The following ADAM17 variants were observed in gnomAD, a reference collection of about 807,000 sequenced individuals.
ADAM17 encodes the protein ADAM metallopeptidase domain 17, also known as disintegrin and metalloproteinase domain-containing protein 17.
In ADAM17, 39 loss-of-function variants were observed where a neutral mutation model predicts 96.7. The ratio of observed to expected loss-of-function variants is 0.40; its 90% CI spans 0.31 to 0.53. The LOEUF (loss-of-function observed/expected upper bound fraction) is 0.53. Among genes scored for constraint, ADAM17 ranks in the 20% least tolerant of loss-of-function variants. The probability of loss-of-function intolerance (pLI) is 0.44; values close to 1 mark genes in which losing one functional copy is unlikely to be tolerated. For missense variants in ADAM17, 777 were observed against 1,013.2 expected, an observed-to-expected ratio of 0.77 and a Z score of 3.17; for synonymous variants, 344 against 359.2, an observed-to-expected ratio of 0.96 and a Z score of 0.48.
At position 9,490,220 on chromosome 2, in the gene ADAM17, A is replaced by T. The variant is rs1662009471; in HGVS notation, c.2432T>A (p.Leu811Gln). 1.3e-6 allele frequency: 2 copies of T among 1,600,006 alleles called. No individual in the cohort carries two copies. The highest frequency in any genetic ancestry group is 1.3e-5 in the African/African-American group (1 of 74,726). ...GCTGTCAACACGATTCTGACGCTGC[A>T]GTTTAAAGGAGGCAGCCTTTTCACT... Reference protein sequence around the residue: ...TRSEKAASFKLQRQNRVDSKE... With the variant: ...TRSEKAASFKQQRQNRVDSKE... Residue 811 changes from leucine (L) to glutamine (Q), a missense_variant, in exon 19 of 19, where the codon CTG (leucine) becomes CAG (glutamine). By Grantham distance (113) the Leu-to-Gln change is moderately radical (BLOSUM62 -2). This residue lies in a region of ADAM17 where 197 missense variants were observed against 219.4 expected (regional missense o/e 0.90). Coordinates refer to ENST00000310823, the MANE Select transcript of ADAM17 (RefSeq NM_003183.6).
chr2:9,535,726 C>T (rs1664933713), intron 4 of ADAM17, 108 bp downstream of exon 4: 2 of 613,626 alleles, frequency 3.3e-6, no homozygotes, highest in Admixed American at 3.5e-5. Flanking sequence ...ACTTCAAATA[C>T]GAAGAGGAAA....
intron 2 of ADAM17, among the ~76,000 whole-genome samples, chr2:9,538,282 TTACTTCCCCA>T (rs1359137391): frequency 1.3e-5 from 2 of 152,182 alleles, no homozygotes; most frequent in Non-Finnish European, 2.9e-5. Context: ...TGAAAATATA[TTACTTCCCCA>T]TGGGATTGCA....
chr2:9,527,572 C>A, intron 5 of ADAM17: 1 of 336,446 alleles, frequency 3.0e-6, no homozygotes. Context: ...TTTTTAAAGT[C>A]TAATCTCTGT....
intron 2 of ADAM17, among the ~76,000 whole-genome samples, chr2:9,538,108 T>C (rs1210473475): frequency 6.6e-6 from 1 of 152,160 alleles, no homozygotes; most frequent in Non-Finnish European, 1.5e-5. Flanking sequence ...TTACTATTCT[T>C]TTTGTTTTCT....
intron 8 of ADAM17, among the ~76,000 whole-genome samples, chr2:9,519,570 A>G (rs1664219450): frequency 6.6e-6 from 1 of 152,176 alleles, no homozygotes; most frequent in Non-Finnish European, 1.5e-5. Context: ...CCACAATTCA[A>G]ATGTTGAAGT....
At chr2:9,553,172 T>C (rs1665633798) in intron 1 of ADAM17, among the ~76,000 whole-genome samples, 1 of 152,184 alleles carries the variant, frequency 6.6e-6, no homozygotes, top group Non-Finnish European at 1.5e-5. Context: ...CCTCCTTTAT[T>C]TGAAAACTAG....
rs758683558 is a variant in ADAM17 at position 9,494,665 on chromosome 2, G to A, written c.1886C>T (p.Pro629Leu). The change falls in exon 15 of 19, where the codon CCC becomes CTC. Residue 629 changes from proline (P) to leucine (L), a missense_variant. Pro to Leu is a moderately conservative substitution (Grantham distance 98). Coordinates refer to ENST00000310823, the MANE Select transcript of ADAM17 (RefSeq NM_003183.6). ...CATGTCACAAAATCCTACTGTACAGGGCTTTCCTTTCCTCAAAAATAAGTT... is the reference window on the plus strand; with the variant it reads ...CATGTCACAAAATCCTACTGTACAGAGCTTTCCTTTCCTCAAAAATAAGTT... ...QKNLFLRKGK[P>L]CTVGFCDMNG... The A allele has an allele frequency of 1.4e-5, 23 of 1,614,012 alleles. No individual in the cohort carries two copies. Among genetic ancestry groups the A allele is most frequent in the Non-Finnish European group, 1.9e-5 (22 of 1,179,968 alleles).
intron 1 of ADAM17, among the ~76,000 whole-genome samples, chr2:9,554,312 T>C (rs1665674560): frequency 6.6e-6 from 1 of 152,192 alleles, no homozygotes; most frequent in Admixed American, 6.5e-5. Flanking sequence ...ACCCTATCCC[T>C]CCATCCTAAC....
At chr2:9,553,261 T>C (rs1665635536) in intron 1 of ADAM17, among the ~76,000 whole-genome samples, 1 of 152,144 alleles carries the variant, frequency 6.6e-6, no homozygotes, top group Non-Finnish European at 1.5e-5. Context: ...GTTTTAGAAG[T>C]GTCCTAAATG....
rs745781131 is a variant in ADAM17 at position 9,527,782 on chromosome 2, T to C, written c.619+4A>G. The C allele has an allele frequency of 6.4e-7, 1 of 1,558,828 alleles. No homozygotes were observed. The highest frequency in any genetic ancestry group is 8.6e-7 in the Non-Finnish European group (1 of 1,156,378). On this transcript the variant is annotated splice_donor_region_variant and intron_variant, in intron 5 of 18. Transcript: ENST00000310823. ...TTATTTGAAATACACTCTTTAAGTC[T>C]TACCTTCAGGTGGTTCTCTGTCTAC...
chr2:9,522,271 G>A, intron 7 of ADAM17: 1 of 423,490 alleles, frequency 2.4e-6, no homozygotes. Flanking sequence ...GTCAAATACA[G>A]ACATATACAT....
chr2:9,515,961 C>A (rs967399200), intron 10 of ADAM17, among the ~76,000 whole-genome samples: 1 of 152,092 alleles, frequency 6.6e-6, no homozygotes, highest in African/African-American at 2.4e-5. Context: ...GAAATAGGAT[C>A]TCACTAATGT....
chr2:9,504,825 G>A (rs1477073526), intron 12 of ADAM17, among the ~76,000 whole-genome samples: 1 of 151,768 alleles, frequency 6.6e-6, no homozygotes, highest in African/African-American at 2.4e-5. Context: ...AGCATGCAAG[G>A]TCAAGGATTT....
At chr2:9,533,531 G>C (rs1664838768) in intron 4 of ADAM17, among the ~76,000 whole-genome samples, 1 of 152,166 alleles carries the variant, frequency 6.6e-6, no homozygotes, top group Non-Finnish European at 1.5e-5. Flanking sequence ...TGGTAACAGA[G>C]TGAGACTCAG....
At chr2:9,550,041 T>C (rs528582853) in intron 1 of ADAM17, among the ~76,000 whole-genome samples, 3 of 152,096 alleles carry the variant, frequency 2.0e-5, no homozygotes, top group Non-Finnish European at 4.4e-5. Flanking sequence ...GTGAAGTGTT[T>C]ATTGTGTTTG....
chr2:9,533,014 C>G (rs964715798), intron 4 of ADAM17, among the ~76,000 whole-genome samples: 1 of 151,836 alleles, frequency 6.6e-6, no homozygotes, highest in East Asian at 1.9e-4. Context: ...CACAGTGAAA[C>G]CCCATCTCTA....
chr2:9,518,731 C>T (rs1664181881), intron 8 of ADAM17, among the ~76,000 whole-genome samples: 1 of 152,096 alleles, frequency 6.6e-6, no homozygotes, highest in African/African-American at 2.4e-5. Flanking sequence ...GAAAAGCATA[C>T]ATACCCAGTT....
At chr2:9,497,936 GC>G (rs1662729530) in intron 13 of ADAM17, among the ~76,000 whole-genome samples, 1 of 152,064 alleles carries the variant, frequency 6.6e-6, no homozygotes, top group Non-Finnish European at 1.5e-5. Flanking sequence ...AGACTGGAAA[GC>G]CCCATGACAG....
chr2:9,529,695 G>A (rs1664662098), intron 4 of ADAM17, among the ~76,000 whole-genome samples: 1 of 152,116 alleles, frequency 6.6e-6, no homozygotes, highest in South Asian at 2.1e-4. Context: ...AAACTGCCGG[G>A]CGCGATGGCT....
Sources: allele counts gnomAD v4.1 joint callset (sites outside exome capture counted in the v4.1 genomes callset), GRCh38; gene constraint gnomAD v4.1.1; regional missense constraint gnomAD v4.1.1; transcripts MANE v1.5; gene names NCBI Gene and HGNC (gene_info 2026-07-23, HGNC 2026-07-21).